The following LAMA2 variants were observed in gnomAD, a reference collection of about 807,000 sequenced individuals.
LAMA2 encodes laminin subunit alpha-2.
A neutral mutation model predicts 364.8 loss-of-function variants in LAMA2; 269 were observed. That is an observed-to-expected ratio of 0.74 (90% confidence interval 0.67 to 0.82). The LOEUF (loss-of-function observed/expected upper bound fraction) is 0.82, where lower values mean the gene tolerates loss of function less well. LAMA2 is among the 40% of genes least tolerant of loss of function. The pLI is 0.00. For synonymous variants in LAMA2, 1,379 were observed against 1,370.6 expected, an observed-to-expected ratio of 1.01 and a Z score of -0.14; for missense variants, 3,807 against 3,873.2, an observed-to-expected ratio of 0.98 and a Z score of 0.45.
intron 29 of LAMA2, among the ~76,000 whole-genome samples, chr6:129,340,127 A>G (rs1201398257): frequency 2.0e-5 from 3 of 152,218 alleles, no homozygotes; most frequent in Non-Finnish European, 4.4e-5. Flanking sequence ...TTGCTTTAGC[A>G]ACAAAGATCT....
chr6:129,066,043 T>G lies in LAMA2; in HGVS notation c.396+6147T>G, dbSNP rs1236005161. ...TGTAAATTGCCCAGTCTCAGGTTTTTTTTTTTTTTTTTTTTTTTTTGAGAC... is the reference window on the plus strand; with the variant it reads ...TGTAAATTGCCCAGTCTCAGGTTTTGTTTTTTTTTTTTTTTTTTTTGAGAC... On this transcript the variant is annotated intron_variant, in intron 3 of 64. Transcript: ENST00000421865. 6.6e-5 allele frequency among the ~76,000 whole-genome samples: 5 copies of G among 75,566 alleles called. 1 individual carries two copies. Among genetic ancestry groups the G allele is most frequent in the Admixed American group, 6.1e-4 (4 of 6,576 alleles). The allele number at this position is 75,566 out of a possible 152,430, so 49.6% of individuals were successfully genotyped here.
intron 1 of LAMA2, among the ~76,000 whole-genome samples, chr6:128,935,207 TC>T (rs1409873310): frequency 6.8e-6 from 1 of 146,166 alleles, no homozygotes; most frequent in South Asian, 2.2e-4. Context: ...ATGCTATCCC[TC>T]CCCCAGCCCC....
intron 7 of LAMA2, among the ~76,000 whole-genome samples, chr6:129,150,794 A>G (rs908890108): frequency 6.6e-6 from 1 of 152,202 alleles, no homozygotes; most frequent in Non-Finnish European, 1.5e-5. Flanking sequence ...CAATGAGTAC[A>G]TTCCTGAAAG....
At chr6:129,087,686 G>A (rs1195564854) in intron 3 of LAMA2, among the ~76,000 whole-genome samples, 1 of 152,014 alleles carries the variant, frequency 6.6e-6, no homozygotes, top group Middle Eastern at 3.2e-3. Flanking sequence ...AATTTTGCAA[G>A]CAGGTTATAA....
intron 4 of LAMA2, among the ~76,000 whole-genome samples, chr6:129,121,597 T>C (rs1216286379): frequency 1.3e-5 from 2 of 152,172 alleles, no homozygotes; most frequent in East Asian, 3.9e-4. Context: ...TTCTGGAAGA[T>C]GATGCTAACA....
At chr6:128,919,259 C>A (rs1359191161) in intron 1 of LAMA2, among the ~76,000 whole-genome samples, 1 of 152,174 alleles carries the variant, frequency 6.6e-6, no homozygotes, top group Admixed American at 6.5e-5. Flanking sequence ...GAGCCATATA[C>A]AATCAACTGT....
At chr6:129,087,171 C>T (rs780205342) in intron 3 of LAMA2, among the ~76,000 whole-genome samples, 12 of 152,200 alleles carry the variant, frequency 7.9e-5, no homozygotes, top group African/African-American at 2.2e-4. Flanking sequence ...TAAATATAGA[C>T]GTCTTTGAGG....
At chr6:129,073,316 G>T (rs887667437) in intron 3 of LAMA2, among the ~76,000 whole-genome samples, 61 of 151,522 alleles carry the variant, frequency 4.0e-4, no homozygotes, top group African/African-American at 1.4e-3. Context: ...TTTTGCTTTT[G>T]GTGTTCAGGG....
intron 1 of LAMA2, among the ~76,000 whole-genome samples, chr6:128,898,237 T>C (rs948477073): frequency 3.3e-5 from 5 of 152,164 alleles, no homozygotes; most frequent in Admixed American, 1.3e-4. Flanking sequence ...CATAGGGTAG[T>C]CAAAGTTGCC....
chr6:129,348,459 T>C (rs1776682090), intron 30 of LAMA2, among the ~76,000 whole-genome samples: 1 of 152,174 alleles, frequency 6.6e-6, no homozygotes, highest in African/African-American at 2.4e-5. Context: ...CAATGCATCA[T>C]TCAGTTTTAT....
intron 42 of LAMA2, among the ~76,000 whole-genome samples, chr6:129,439,068 C>CCG (rs1034979477): frequency 6.6e-6 from 1 of 150,446 alleles, no homozygotes; most frequent in African/African-American, 2.4e-5. Flanking sequence ...GTTCCAGGAC[C>CCG]CCCCCCCACA....
rs549938637 is a variant in LAMA2 at position 129,400,185 on chromosome 6, T to C, written c.5446-1039T>C. ...TGAACAAGCTCCTTCAGGTCTTTTT[T>C]ATAAGGGCAGTAATCCCGTTTATGA... On this transcript the variant is annotated intron_variant, in intron 37 of 64. Coordinates refer to ENST00000421865, the MANE Select transcript of LAMA2 (RefSeq NM_000426.4). Among the ~76,000 whole-genome samples, 26 of 152,280 alleles carry C rather than the reference T, an allele frequency of 1.7e-4. No homozygotes were observed. In the East Asian group the frequency reaches 4.8e-3, roughly 28 times the overall value.
intron 40 of LAMA2, among the ~76,000 whole-genome samples, chr6:129,418,544 C>T (rs908879799): frequency 2.6e-5 from 4 of 152,026 alleles, no homozygotes; most frequent in Non-Finnish European, 4.4e-5. Context: ...TACTTTCTTT[C>T]CCTGTTTAGT....
chr6:129,480,434 G>T (rs1376258114), intron 54 of LAMA2, among the ~76,000 whole-genome samples: 1 of 152,106 alleles, frequency 6.6e-6, no homozygotes. Context: ...TACATTTACT[G>T]AGAGAGTGAT....
intron 19 of LAMA2, among the ~76,000 whole-genome samples, chr6:129,288,396 T>G (rs752189747): frequency 1.3e-5 from 2 of 152,182 alleles, no homozygotes; most frequent in Non-Finnish European, 2.9e-5. Flanking sequence ...ATCCATTTTT[T>G]TATCTCAATT....
chr6:129,325,361 T>A (rs1004049669), intron 28 of LAMA2, among the ~76,000 whole-genome samples: 2 of 152,102 alleles, frequency 1.3e-5, no homozygotes, highest in African/African-American at 4.8e-5. Context: ...CAGAAAGGAT[T>A]TTAGATGGGA....
chr6:129,266,820 C>T (rs1312448022), intron 15 of LAMA2, among the ~76,000 whole-genome samples: 11 of 152,194 alleles, frequency 7.2e-5, no homozygotes, highest in Admixed American at 6.6e-4. Flanking sequence ...GAGACTGTCA[C>T]ATTTCAATTC....
intron 1 of LAMA2, among the ~76,000 whole-genome samples, chr6:128,921,697 G>GTTTTTTTTTTTGTTTTT (rs1778728609): frequency 2.5e-5 from 3 of 118,054 alleles, no homozygotes; most frequent in Admixed American, 1.6e-4. Flanking sequence ...ATGAATGTCT[G>GTTTTTTTTTTTGTTTTT]TTTTTTTTTT....
chr6:129,077,382 A>G (rs1201983272), intron 3 of LAMA2, among the ~76,000 whole-genome samples: 3 of 152,188 alleles, frequency 2.0e-5, no homozygotes, highest in Admixed American at 2.0e-4. Context: ...AAATTAAACT[A>G]GTGACAAAAT....
Sources: gnomAD v4.1 joint callset for allele counts (sites outside exome capture counted in the v4.1 genomes callset) on GRCh38, gnomAD v4.1.1 for gene constraint, MANE v1.5 for transcripts, NCBI Gene and HGNC (gene_info 2026-07-23, HGNC 2026-07-21) for gene names.